HAUS6: variants seen among roughly 807,000 people sequenced by gnomAD.
The protein encoded by HAUS6 is HAUS augmin-like complex subunit 6.
In HAUS6, 80 loss-of-function variants were observed where a neutral mutation model predicts 106.8. The observed-to-expected ratio is 0.75, with a 90% CI of 0.63 to 0.90. HAUS6 has a LOEUF of 0.90. Among genes scored for constraint, HAUS6 ranks in the 40% least tolerant of loss-of-function variants. HAUS6 has a pLI of 0.00. For missense variants in HAUS6, 1,155 were observed against 1,118.1 expected, an observed-to-expected ratio of 1.03 and a Z score of -0.47; for synonymous variants, 356 against 379.1, an observed-to-expected ratio of 0.94 and a Z score of 0.71.
intron 10 of HAUS6, among the ~76,000 whole-genome samples, chr9:19,077,114 G>C (rs186483945): frequency 9.2e-5 from 14 of 152,288 alleles, no homozygotes; most frequent in African/African-American, 3.1e-4. Context: ...AAAACAGTGG[G>C]ATGACATGTG....
intron 14 of HAUS6, 31 bp from the exon 15 acceptor site, chr9:19,060,254 A>G: frequency 1.3e-6 from 2 of 1,487,350 alleles, no homozygotes; most frequent in South Asian, 1.4e-5. Flanking sequence ...TAAAGCAAAG[A>G]TTACCAAGCC....
rs370453543 is a variant in HAUS6, at chr9:19,063,645, T to A, written c.1377-65A>T. On this transcript the variant is annotated intron_variant, in intron 12 of 16. Coordinates refer to ENST00000380502, the MANE Select transcript of HAUS6 (RefSeq NM_017645.5). ...AAAAGAATTCCATTCCCTTTACGAGTCTATTCTAAAATCTGTCTGCCCCGT... is the reference window on the plus strand; with the variant it reads ...AAAAGAATTCCATTCCCTTTACGAGACTATTCTAAAATCTGTCTGCCCCGT... 593 of 1,081,756 alleles carry A rather than the reference T, an allele frequency of 5.5e-4. 6 individuals are homozygous for A. The South Asian group carries it at 5.6e-3, about 10-fold the overall frequency. The allele number at this position is 1,081,756 out of a possible 1,614,324, so 67.0% of individuals were successfully genotyped here. A position where few individuals can be genotyped will look rare whatever the true frequency, so the allele number is the denominator to read the frequency against.
At chr9:19,064,445 A>G (rs1235345399) in intron 12 of HAUS6, among the ~76,000 whole-genome samples, 2 of 152,188 alleles carry the variant, frequency 1.3e-5, no homozygotes, top group African/African-American at 2.4e-5. Context: ...GCCCTTTTGG[A>G]TAAATATTAA....
At chr9:19,094,243 C>T in intron 3 of HAUS6, 74 bp downstream of exon 3, 2 of 816,894 alleles carry the variant, frequency 2.4e-6, no homozygotes, top group Non-Finnish European at 4.1e-6. Flanking sequence ...AGGATTTCAC[C>T]TCTAAAAAGT....
intron 1 of HAUS6, among the ~76,000 whole-genome samples, chr9:19,100,135 A>G (rs1817955974): frequency 6.6e-6 from 1 of 152,214 alleles, no homozygotes; most frequent in African/African-American, 2.4e-5. Context: ...CGGGGGTTGC[A>G]GTGAGTCCAG....
chr9:19,097,390 A>G (rs1817886783), intron 1 of HAUS6, among the ~76,000 whole-genome samples: 1 of 152,190 alleles, frequency 6.6e-6, no homozygotes, highest in Non-Finnish European at 1.5e-5. Context: ...AATGAACTCA[A>G]ACAAATTTAC....
At chr9:19,074,924 A>G (rs1002049778) in intron 11 of HAUS6, among the ~76,000 whole-genome samples, 2 of 152,170 alleles carry the variant, frequency 1.3e-5, no homozygotes, top group African/African-American at 4.8e-5. Flanking sequence ...AGCTTCCACA[A>G]AAAACCTGTA....
intron 14 of HAUS6, 152 bp downstream of exon 14, chr9:19,062,856 G>A: frequency 1.5e-6 from 1 of 650,566 alleles, no homozygotes; most frequent in Non-Finnish European, 2.7e-6. Flanking sequence ...TTGTAGAGAT[G>A]GGTTTCGCCA....
At chr9:19,081,810 A>C (rs1009224491) in intron 8 of HAUS6, among the ~76,000 whole-genome samples, 1 of 152,116 alleles carries the variant, frequency 6.6e-6, no homozygotes, top group South Asian at 2.1e-4. Flanking sequence ...TCACGCCTGT[A>C]ATCCCAGCAC....
At chr9:19,082,682 G>C (rs1837183919) in intron 8 of HAUS6, among the ~76,000 whole-genome samples, 191 bp downstream of exon 8, 1 of 151,950 alleles carries the variant, frequency 6.6e-6, no homozygotes, top group South Asian at 2.1e-4. Context: ...GGAGGCGGAG[G>C]TTGCAGTGAG....
rs568438773 is a variant in HAUS6 at position 19,055,737 on chromosome 9, A to G, written c.*606T>C. The G allele has an allele frequency of 6.6e-6, 1 of 152,136 alleles. No individual in the cohort carries two copies. Among genetic ancestry groups the G allele is most frequent in the Admixed American group, 6.5e-5 (1 of 15,272 alleles). The allele number at this position is 152,136 out of a possible 1,614,324, so 9.4% of individuals were successfully genotyped here. ...GCCCCAGTCTTCACTTAATCATCAC[A>G]TGCACTTTATTCCATCAAACATCAC... On this transcript the variant is annotated 3_prime_UTR_variant, in exon 17 of 17. Coordinates refer to ENST00000380502, the MANE Select transcript of HAUS6 (RefSeq NM_017645.5).
intron 11 of HAUS6, among the ~76,000 whole-genome samples, chr9:19,073,553 A>C (rs1230375706): frequency 6.6e-6 from 1 of 151,994 alleles, no homozygotes; most frequent in African/African-American, 2.4e-5. Context: ...CGAAGGGGTA[A>C]ACTAATCCTG....
At chr9:19,084,360 G>T (rs565504638) in intron 7 of HAUS6, among the ~76,000 whole-genome samples, 1 of 152,268 alleles carries the variant, frequency 6.6e-6, no homozygotes, top group East Asian at 1.9e-4. Flanking sequence ...CCCCGTGGGG[G>T]CAAACAGTGT....
intron 8 of HAUS6, among the ~76,000 whole-genome samples, chr9:19,082,595 A>T (rs1837181316): frequency 6.6e-6 from 1 of 152,016 alleles, no homozygotes; most frequent in African/African-American, 2.4e-5. Flanking sequence ...AAAAATACAA[A>T]ATTAGCTGGG....
rs531500245 is a variant in HAUS6 at position 19,070,159 on chromosome 9, TATTTTTTATAAAATAAGA to T, written c.1376+42_1376+59del. 4.6e-5 allele frequency: 45 copies of T among 974,350 alleles called. 1 individual carries two copies. In the South Asian group the frequency reaches 5.6e-4, roughly 12 times the overall value. 60.4% of individuals were successfully genotyped at this position (974,350 alleles called of 1,614,324 possible). A position where few individuals can be genotyped will look rare whatever the true frequency, so the allele number is the denominator to read the frequency against. On this transcript the variant is annotated intron_variant, in intron 12 of 16. Transcript: ENST00000380502. ...TGGCTTCACCTCTCAGTTCCATCTC[TATTTTTTATAAAATAAGA>T]GTTTTTTAATGTTTAACAAAAGAAA...
chr9:19,080,848 G>A (rs1168974938), intron 8 of HAUS6, among the ~76,000 whole-genome samples, 176 bp from the exon 9 acceptor site: 4 of 152,076 alleles, frequency 2.6e-5, no homozygotes, highest in Non-Finnish European at 5.9e-5. Flanking sequence ...TGGTGGGGGC[G>A]GATCACCTGA....
At chr9:19,070,132 G>C (rs139021127) in intron 12 of HAUS6, 87 bp downstream of exon 12, 1 of 757,556 alleles carries the variant, frequency 1.3e-6, no homozygotes, top group Middle Eastern at 3.8e-4. Context: ...CAGAAGTCCA[G>C]CTGGCTTCAC....
At position 19,093,269 on chromosome 9, in the gene HAUS6, CCAA is replaced by C; in HGVS notation, c.335_337del (p.Val112del). On this transcript the variant is annotated inframe_deletion, in exon 4 of 17. Coordinates refer to ENST00000380502, the MANE Select transcript of HAUS6 (RefSeq NM_017645.5). ...ACCACCAGGAGAAAGAAATAGTGAA[CCAA>C]CAACTTGAGGAAAGCTACTTCCACA... 1 of 1,607,708 alleles carries C rather than the reference CCAA, an allele frequency of 6.2e-7. No homozygotes were observed.
intron 12 of HAUS6, among the ~76,000 whole-genome samples, chr9:19,067,838 A>T (rs1588603111): frequency 6.6e-6 from 1 of 151,980 alleles, no homozygotes. Flanking sequence ...GATTATAAGC[A>T]TGCGCCACCA....
Sources: gnomAD v4.1 joint callset for allele counts (sites outside exome capture counted in the v4.1 genomes callset) on GRCh38, gnomAD v4.1.1 for gene constraint, MANE v1.5 for transcripts, NCBI Gene and HGNC (gene_info 2026-07-23, HGNC 2026-07-21) for gene names.